Variants in ARFRP1 observed in about 807,000 individuals in gnomAD.
The protein encoded by ARFRP1 is ADP-ribosylation factor-related protein 1.
In ARFRP1, 19 loss-of-function variants were observed where a neutral mutation model predicts 30.3. The ratio of observed to expected loss-of-function variants is 0.63; its 90% CI spans 0.44 to 0.92. The LOEUF is 0.92. Ranked by LOEUF, ARFRP1 falls within the 40% of genes least tolerant of loss-of-function variation. ARFRP1 has a pLI of 0.00. For missense variants in ARFRP1, 245 were observed against 267.5 expected, an observed-to-expected ratio of 0.92 and a Z score of 0.59; for synonymous variants, 133 against 114.2, an observed-to-expected ratio of 1.16 and a Z score of -1.05.
At chr20:63,702,386 G>T in intron 4 of ARFRP1, 169 bp from the exon 5 acceptor site, 1 of 645,428 alleles carries the variant, frequency 1.5e-6, no homozygotes. Context: ...GGGGAGATCT[G>T]GTGGAGGTGT....
At chr20:63,702,627 G>A (rs191075701) in intron 4 of ARFRP1, 295 of 204,960 alleles carry the variant, frequency 1.4e-3, no homozygotes, top group Admixed American at 3.9e-3. Context: ...CTAGCTACTC[G>A]GGAGGCTGAG....
chr20:63,701,126 C>T (rs1289476296), intron 6 of ARFRP1: 2 of 422,972 alleles, frequency 4.7e-6, no homozygotes, highest in South Asian at 1.7e-5. Flanking sequence ...CAACCACCTG[C>T]CCAGTCTTCA....
At chr20:63,706,490 C>A (rs2091469506) in intron 3 of ARFRP1, 51 bp from the exon 4 acceptor site, 2 of 1,580,124 alleles carry the variant, frequency 1.3e-6, no homozygotes, top group Non-Finnish European at 1.7e-6. Context: ...CCTCGACACA[C>A]CCAGTCCCAG....
At chr20:63,706,627 A>T in intron 3 of ARFRP1, 24 bp downstream of exon 3, 1 of 1,585,164 alleles carries the variant, frequency 6.3e-7, no homozygotes, top group Non-Finnish European at 8.7e-7. Flanking sequence ...CCCCAAACCC[A>T]CAGCCTGCTA....
At chr20:63,701,987 C>T in intron 5 of ARFRP1, 87 bp from the exon 6 acceptor site, 1 of 1,304,186 alleles carries the variant, frequency 7.7e-7, no homozygotes, top group Non-Finnish European at 1.1e-6. Context: ...ACTGTGACAG[C>T]CACTCCCTCT....
intron 4 of ARFRP1, chr20:63,705,028 C>G (rs1476605699): frequency 6.5e-6 from 1 of 152,756 alleles, no homozygotes; most frequent in Non-Finnish European, 1.5e-5. Flanking sequence ...TCCTCCCTGC[C>G]TTCCTGGTGC....
At chr20:63,701,001 C>T (rs2091176936) in intron 6 of ARFRP1, among the ~76,000 whole-genome samples, 1 of 152,178 alleles carries the variant, frequency 6.6e-6, no homozygotes, top group African/African-American at 2.4e-5. Context: ...GGACTGAGGC[C>T]TCCTGGGCAG....
chr20:63,705,567 C>G (rs758939742), intron 4 of ARFRP1: 5 of 484,454 alleles, frequency 1.0e-5, no homozygotes, highest in Non-Finnish European at 2.1e-5. Context: ...GAGACTGCCG[C>G]TGTGAGACCC....
At chr20:63,700,728 C>G (rs546994989) in intron 6 of ARFRP1, 26 bp from the exon 7 acceptor site, 1 of 1,605,988 alleles carries the variant, frequency 6.2e-7, no homozygotes, top group South Asian at 1.1e-5. Context: ...CCGTGAGGAG[C>G]AGCCCCCACG....
chr20:63,704,170 C>T (rs1301006623), intron 4 of ARFRP1: 1 of 152,092 alleles, frequency 6.6e-6, no homozygotes, highest in Non-Finnish European at 1.5e-5. Context: ...GCAATGACGC[C>T]CCTTTCTGTG....
intron 1 of ARFRP1, 195 bp from the exon 2 acceptor site, chr20:63,707,292 C>A: frequency 1.7e-6 from 1 of 584,230 alleles, no homozygotes; most frequent in Non-Finnish European, 3.1e-6. Flanking sequence ...CTGTGTCCTG[C>A]TCACAGCAAT....
intron 4 of ARFRP1, chr20:63,703,629 G>A (rs1370168353): frequency 6.6e-6 from 1 of 152,358 alleles, no homozygotes; most frequent in Non-Finnish European, 1.5e-5. Context: ...GGAGACCTCT[G>A]TGGCAGGAGG....
Position 63,700,525 on chromosome 20 carries a change from C to A in ARFRP1, c.524G>T (p.Gly175Val). The change falls in exon 8 of 8, where the codon GGG (glycine) becomes GTG (valine). Residue 175 changes from glycine (G) to valine (V), a missense_variant. Transcript: ENST00000622789. ...TQACSALTGKGVREGIEWMVK... is the reference protein window; with the variant it reads ...TQACSALTGKVVREGIEWMVK... ...CATCCACTCGATGCCCTCGCGCACC[C>A]CTTTGCTGTGAAGACAGCGGGTGTG... 1 of 1,610,930 alleles carries A rather than the reference C, an allele frequency of 6.2e-7. No individual in the cohort carries two copies.
rs1193900140 is a variant in ARFRP1, at chr20:63,701,845, G to A, written c.402C>T (p.Asn134=). 6 of 1,550,426 alleles carry A rather than the reference G, an allele frequency of 3.9e-6. No homozygotes were observed. The East Asian group carries it at 9.7e-5, about 25-fold the overall frequency. Reference sequence around the variant, plus strand: ...TGGGGCTCACCTCCACATCCTGCTTGTTGGCCAGCACCAAGACGGGGACAC... The same window carrying A: ...TGGGGCTCACCTCCACATCCTGCTTATTGGCCAGCACCAAGACGGGGACAC... ...LCGVPVLVLA[N]KQDVETCLSI... is the part of the protein sequence containing the mutation. The change falls in exon 6 of 8, where the codon AAC becomes AAT. Residue 134 remains asparagine, a synonymous_variant. Coordinates refer to ENST00000622789, the MANE Select transcript of ARFRP1 (RefSeq NM_001267547.3).
chr20:63,706,541 A>C, intron 3 of ARFRP1, 102 bp from the exon 4 acceptor site: 1 of 1,524,962 alleles, frequency 6.6e-7, no homozygotes. Flanking sequence ...GTGCCACTCA[A>C]ATGAGACTTG....
chr20:63,706,651 T>C lies in ARFRP1; in HGVS notation c.181A>G (p.Ile61Val). ...CACAGCCTGCTATTGAGACCCTTAC[T>C]GTTTAGGCCCACGGTGGTGGTGATT... ...SKITTTVGLN[I>V]GTVDVGKARL... is the part of the protein sequence containing the mutation. The change falls in exon 3 of 8, where the codon ATC (isoleucine) becomes GTC (valine). Residue 61 changes from isoleucine (I) to valine (V), a missense_variant and splice_region_variant. Ile to Val is a conservative substitution (Grantham distance 29). Coordinates refer to ENST00000622789, the MANE Select transcript of ARFRP1 (RefSeq NM_001267547.3). 11 of 1,608,416 alleles carry C rather than the reference T, an allele frequency of 6.8e-6. No homozygotes were observed. The highest frequency in any genetic ancestry group is 9.4e-6 in the Non-Finnish European group (11 of 1,174,820).
chr20:63,700,876 G>A (rs771598856), intron 6 of ARFRP1, 174 bp from the exon 7 acceptor site: 97 of 854,102 alleles, frequency 1.1e-4, no homozygotes, highest in Non-Finnish European at 1.5e-4. Flanking sequence ...TGCTCAGCCC[G>A]AGGCTGAACA....
chr20:63,704,062 G>C (rs1193825077), intron 4 of ARFRP1: 1 of 152,348 alleles, frequency 6.6e-6, no homozygotes, highest in South Asian at 2.1e-4. Context: ...CAGCCTGAGA[G>C]ACTAGTGTTA....
rs940060192 is a variant in ARFRP1, at chr20:63,700,337, C to G, written c.*106G>C. The G allele has an allele frequency of 1.3e-6, 2 of 1,505,218 alleles. No homozygotes were observed. The highest frequency in any genetic ancestry group is 1.4e-5 in the African/African-American group (1 of 72,194). 93.2% of individuals were successfully genotyped at this position (1,505,218 alleles called of 1,614,324 possible). ...AGAAAACAAAGTAAATAGAAGAACC[C>G]CAAAGCAAAGCAAACCCACCCCCCA... On this transcript the variant is annotated 3_prime_UTR_variant, in exon 8 of 8. Coordinates refer to ENST00000622789, the MANE Select transcript of ARFRP1 (RefSeq NM_001267547.3).
Sources: allele counts gnomAD v4.1 joint callset (sites outside exome capture counted in the v4.1 genomes callset), GRCh38; gene constraint gnomAD v4.1.1; transcripts MANE v1.5; gene names NCBI Gene and HGNC (gene_info 2026-07-23, HGNC 2026-07-21).